CACNA1A: variants seen among roughly 807,000 people sequenced by gnomAD.
CACNA1A encodes the protein voltage-dependent P/Q-type calcium channel subunit alpha-1A.
In CACNA1A, 57 loss-of-function variants were observed where a neutral mutation model predicts 262.4. The observed-to-expected ratio is 0.22, with a 90% CI of 0.18 to 0.27. The LOEUF (loss-of-function observed/expected upper bound fraction) is 0.27. Among genes scored for constraint, CACNA1A ranks in the 10% least tolerant of loss-of-function variants. CACNA1A has a pLI of 1.00. For synonymous variants in CACNA1A, 1,431 were observed against 1,419.3 expected, an observed-to-expected ratio of 1.01 and a Z score of -0.18; for missense variants, 2,526 against 3,562.8, an observed-to-expected ratio of 0.71 and a Z score of 7.41.
chr19:13,454,519 C>T (rs2060971842), intron 2 of CACNA1A, among the ~76,000 whole-genome samples: 2 of 151,906 alleles, frequency 1.3e-5, no homozygotes, highest in Non-Finnish European at 2.9e-5. Flanking sequence ...TACAGGTGTG[C>T]ACCACCATAT....
Position 13,234,939 on chromosome 19 carries a change from G to T in CACNA1A, c.5231C>A (p.Ala1744Asp). Residue 1744 changes from alanine (A) to aspartate (D), a missense_variant, in exon 34 of 47, where the codon GCC becomes GAC. This residue lies in a region of CACNA1A where 39 missense variants were observed against 124.9 expected (regional missense o/e 0.31). Transcript: ENST00000360228. ...TTCTCACCGGAAGAGAAGCATGAGG[G>T]CCTGGAAGAAGGTCCGGAAGTTATT... ...EHNNFRTFFQ[A>D]LMLLFRSATG... 1 of 1,612,186 alleles carries T rather than the reference G, an allele frequency of 6.2e-7. No homozygotes were observed. The highest frequency in any genetic ancestry group is 8.5e-7 in the Non-Finnish European group (1 of 1,178,258).
chr19:13,273,007 CA>C (rs1176110563), intron 24 of CACNA1A: 1 of 152,192 alleles, frequency 6.6e-6, no homozygotes, highest in African/African-American at 2.4e-5. Context: ...CTTTCTCACC[CA>C]GGCTGGAGTG....
At chr19:13,439,108 ATTT>A (rs939229748) in intron 3 of CACNA1A, among the ~76,000 whole-genome samples, 1 of 137,190 alleles carries the variant, frequency 7.3e-6, no homozygotes. Context: ...TTGTCCTCAA[ATTT>A]TTTTTTTTTT....
At chr19:13,247,863 A>C (rs182523027) in intron 30 of CACNA1A, among the ~76,000 whole-genome samples, 67 of 152,258 alleles carry the variant, frequency 4.4e-4, no homozygotes, top group African/African-American at 1.6e-3. Context: ...CTGTGGCTGC[A>C]CAAGTGTTAG....
rs2057718433 is a variant in CACNA1A at position 13,298,567 on chromosome 19, C to T, written c.3066G>A (p.Lys1022=). 1 of 1,543,648 alleles carries T rather than the reference C, an allele frequency of 6.5e-7. No individual in the cohort carries two copies. The change falls in exon 19 of 47, where the codon AAG becomes AAA. Residue 1022 remains lysine, a synonymous_variant. Coordinates refer to ENST00000360228, the MANE Select transcript of CACNA1A (RefSeq NM_001127222.2). ...TYEGDARRED[K]ERRHRRRKEN... ...ACTTCCTCCTCCGATGCCTCCGCTC[C>T]TTGTCCTCCCTCCGCGCGTCCCCCT...
chr19:13,229,019 T>C (rs2144617991), intron 36 of CACNA1A: 1 of 305,804 alleles, frequency 3.3e-6, no homozygotes, highest in Non-Finnish European at 6.1e-6. Context: ...CCTGGGGCTC[T>C]CTCTGCATCT....
At chr19:13,490,304 C>T (rs183901159) in intron 1 of CACNA1A, among the ~76,000 whole-genome samples, 156 of 152,176 alleles carry the variant, frequency 1.0e-3, no homozygotes, top group Middle Eastern at 6.8e-3. Flanking sequence ...GCCACACCAC[C>T]GATAGAAACC....
In CACNA1A at chr19:13,268,022, C is replaced by A. The variant is rs571494121; in HGVS notation, c.3990-5189G>T. Among the ~76,000 whole-genome samples the A allele has an allele frequency of 6.6e-5, 10 of 152,110 alleles. No individual in the cohort carries two copies. The South Asian group carries it at 2.1e-3, about 32-fold the overall frequency. On this transcript the variant is annotated intron_variant, in intron 24 of 46. Transcript: ENST00000360228. ...AAGTGATCCTCCTGCCTAGGCCTCC[C>A]AGAGCGCTGGGATTACAAGTGTGAG...
In CACNA1A at chr19:13,235,272, G is replaced by A; in HGVS notation, c.5070C>T (p.Ala1690=). Residue 1690 remains alanine, a splice_region_variant and synonymous_variant, in exon 33 of 47, where the codon GCC becomes GCT. Transcript: ENST00000360228. ...LLWTFVQSFK[A]LPYVCLLIAM... The stretch of plus-strand genomic sequence containing the variant: ...CGATCAGCAGACAGACATAAGGCAG[G>A]GCCTGGTGGGAAAAAAGGCAATGAA... 6.3e-7 allele frequency: 1 copy of A among 1,588,396 alleles called. No individual in the cohort carries two copies. Among genetic ancestry groups the A allele is most frequent in the Non-Finnish European group, 8.6e-7 (1 of 1,167,636 alleles).
chr19:13,275,555 C>T (rs543687322), intron 24 of CACNA1A: 14 of 436,422 alleles, frequency 3.2e-5, no homozygotes, highest in African/African-American at 2.2e-4. Flanking sequence ...GATGTTCCGG[C>T]GAGGCTAGTC....
chr19:13,394,534 T>C (rs1363146040), intron 3 of CACNA1A, among the ~76,000 whole-genome samples: 1 of 152,182 alleles, frequency 6.6e-6, no homozygotes, highest in Non-Finnish European at 1.5e-5. Context: ...AGACTCAGCT[T>C]AAGAGGATAC....
rs913556946 is a variant in CACNA1A, at chr19:13,207,725, C to T, written c.7109G>A (p.Arg2370Gln). ...CTCGCTCCGGGCCGGGCCTGGGACCCGCCTCTCCATCCTGGGCGAGCGGCC... is the reference window on the plus strand; with the variant it reads ...CTCGCTCCGGGCCGGGCCTGGGACCTGCCTCTCCATCCTGGGCGAGCGGCC... ...SSGRSPRMER[R>Q]VPGPARSESP... is the part of the protein sequence containing the mutation. The change falls in exon 47 of 47, where the codon CGG (arginine) becomes CAG (glutamine). Residue 2370 changes from arginine (R) to glutamine (Q), a missense_variant. By Grantham distance (43) the Arg-to-Gln change is conservative. Transcript: ENST00000360228. The surrounding 1 kb of genome is among the most constrained non-coding windows in gnomAD (Gnocchi z 5.7). The T allele has an allele frequency of 1.2e-5, 16 of 1,370,242 alleles. No homozygotes were observed. The highest frequency in any genetic ancestry group is 7.6e-5 in the African/African-American group (5 of 65,462). 84.9% of individuals were successfully genotyped at this position (1,370,242 alleles called of 1,614,324 possible).
intron 30 of CACNA1A, 56 bp downstream of exon 30, chr19:13,252,935 T>C (rs2056441269): frequency 2.5e-6 from 3 of 1,194,850 alleles, no homozygotes; most frequent in Middle Eastern, 1.9e-4. Context: ...CAGGACCCAT[T>C]GTTCCCCCTT....
chr19:13,208,427 G>C (rs899535749), intron 46 of CACNA1A, among the ~76,000 whole-genome samples: 2 of 151,952 alleles, frequency 1.3e-5, no homozygotes, highest in African/African-American at 4.8e-5. Context: ...AACAAAAACA[G>C]AAGCCGGGTT....
At position 13,452,751 on chromosome 19, in the gene CACNA1A, C is replaced by T. The variant is rs571422605; in HGVS notation, c.539+125G>A. The stretch of plus-strand genomic sequence containing the variant: ...GGGGTGTTGGCAGAAAGGAGGCAGG[C>T]GCATAACAAGGGGAGGGAGAACACA... On this transcript the variant is annotated intron_variant, in intron 3 of 46. Coordinates refer to ENST00000360228, the MANE Select transcript of CACNA1A (RefSeq NM_001127222.2). The T allele has an allele frequency of 8.8e-5, 70 of 792,110 alleles. No individual in the cohort carries two copies. In the East Asian group the frequency reaches 9.2e-4, roughly 10 times the overall value. 49.1% of individuals were successfully genotyped at this position (792,110 alleles called of 1,614,324 possible). A position where few individuals can be genotyped will look rare whatever the true frequency, so the allele number is the denominator to read the frequency against.
At chr19:13,376,908 T>C (rs981742053) in intron 3 of CACNA1A, among the ~76,000 whole-genome samples, 29 of 144,264 alleles carry the variant, frequency 2.0e-4, no homozygotes, top group Non-Finnish European at 3.9e-4. Flanking sequence ...TGATATATAA[T>C]TTATATTACA....
At chr19:13,405,066 T>C (rs1003920916) in intron 3 of CACNA1A, among the ~76,000 whole-genome samples, 1 of 151,456 alleles carries the variant, frequency 6.6e-6, no homozygotes, top group African/African-American at 2.4e-5. Context: ...CCCGGCTAAT[T>C]TTTGTGTTTT....
At chr19:13,331,780 C>T (rs2058473263) in intron 9 of CACNA1A, among the ~76,000 whole-genome samples, 1 of 152,044 alleles carries the variant, frequency 6.6e-6, no homozygotes, top group Non-Finnish European at 1.5e-5. Flanking sequence ...CCCACCTCAG[C>T]CTCCTGAGTA....
intron 1 of CACNA1A, among the ~76,000 whole-genome samples, chr19:13,484,328 T>G (rs1979721446): frequency 6.6e-6 from 1 of 152,186 alleles, no homozygotes. Flanking sequence ...GGCCAGGGGC[T>G]GTCCAGTGAC....
Sources: allele counts gnomAD v4.1 joint callset (sites outside exome capture counted in the v4.1 genomes callset), GRCh38; gene constraint gnomAD v4.1.1; regional missense constraint gnomAD v4.1.1; non-coding constraint Gnocchi (gnomAD v3.1); transcripts MANE v1.5; gene names NCBI Gene and HGNC (gene_info 2026-07-23, HGNC 2026-07-21).